PALM: variants seen among roughly 807,000 people sequenced by gnomAD.
PALM encodes paralemmin, also known as paralemmin-1.
Under a neutral mutation model 30.7 loss-of-function variants are expected in PALM, and 18 were observed. The observed-to-expected ratio is 0.59, with a 90% CI of 0.41 to 0.87. The LOEUF (loss-of-function observed/expected upper bound fraction) is 0.87, where lower values mean the gene tolerates loss of function less well. Ranked by LOEUF, PALM falls within the 40% of genes least tolerant of loss-of-function variation. PALM has a pLI of 0.00. For synonymous variants in PALM, 286 were observed against 242.8 expected (o/e 1.18, Z -1.66); for missense variants, 529 against 555.4 (o/e 0.95, Z 0.48).
At chr19:729,505 G>A (rs1414453631) in intron 4 of PALM, among the ~76,000 whole-genome samples, 3 of 121,544 alleles carry the variant, frequency 2.5e-5, no homozygotes, top group South Asian at 3.0e-4. Context: ...TCGCTCTGTC[G>A]CCCAGGCTGG....
At chr19:728,273 G>T (rs2032757569) in intron 4 of PALM, among the ~76,000 whole-genome samples, 1 of 152,124 alleles carries the variant, frequency 6.6e-6, no homozygotes, top group Admixed American at 6.5e-5. Context: ...CCCAGGCTGT[G>T]CTCGGGGGCA....
In PALM at chr19:727,032, A is replaced by G; in HGVS notation, c.82A>G (p.Ile28Val). Reference sequence around the variant, plus strand: ...GGAGAAGCGGAAGCGGCAGGCGGAGATCGAGAACAAGCGCCGGCAGCTGGA... The same window carrying G: ...GGAGAAGCGGAAGCGGCAGGCGGAGGTCGAGAACAAGCGCCGGCAGCTGGA... The part of the protein sequence containing the change: ...IAEKRKRQAE[I>V]ENKRRQLEDE... The change falls in exon 3 of 9, where the codon ATC (isoleucine) becomes GTC (valine). Residue 28 changes from isoleucine (I) to valine (V), a missense_variant. Coordinates refer to ENST00000338448, the MANE Select transcript of PALM (RefSeq NM_002579.3). 1 of 1,248,530 alleles carries G rather than the reference A, an allele frequency of 8.0e-7. No individual in the cohort carries two copies. 77.3% of individuals were successfully genotyped at this position (1,248,530 alleles called of 1,614,324 possible). A position where few individuals can be genotyped will look rare whatever the true frequency, so the allele number is the denominator to read the frequency against.
At chr19:710,105 T>G (rs115452260) in intron 1 of PALM, among the ~76,000 whole-genome samples, 5,449 of 152,210 alleles carry the variant, frequency 0.036, 327 homozygotes, top group African/African-American at 0.12. Context: ...GCTGCCCTGC[T>G]GAGGCCCGGG....
rs771024183 is a variant in PALM at position 746,482 on chromosome 19, G to A, written c.832G>A (p.Ala278Thr). Reference protein sequence around the residue: ...PSRREITGVQAQPGEATSGPP... With the variant: ...PSRREITGVQTQPGEATSGPP... Reference sequence around the variant, plus strand: ...CCGGCGGGAGATCACCGGTGTGCAGGCACAGCCAGGCGAGGCCACGTCCGG... The same window carrying A: ...CCGGCGGGAGATCACCGGTGTGCAGACACAGCCAGGCGAGGCCACGTCCGG... Residue 278 changes from alanine (A) to threonine (T), a missense_variant, in exon 9 of 9, where the codon GCA becomes ACA. Physicochemically the swap from Ala to Thr is moderately conservative, Grantham distance 58. Transcript: ENST00000338448. The surrounding 1 kb of genome is among the most constrained non-coding windows in gnomAD (Gnocchi z 7.1). 8.7e-6 allele frequency: 14 copies of A among 1,610,664 alleles called. No homozygotes were observed. Among genetic ancestry groups the A allele is most frequent in the South Asian group, 4.4e-5 (4 of 90,856 alleles).
chr19:733,759 G>A (rs990806692), intron 5 of PALM, among the ~76,000 whole-genome samples: 12 of 152,158 alleles, frequency 7.9e-5, no homozygotes, highest in African/African-American at 2.9e-4. Flanking sequence ...GGCCGAGGTG[G>A]GTGGATCACC....
intron 7 of PALM, among the ~76,000 whole-genome samples, chr19:738,252 C>G (rs1366979783): frequency 6.6e-6 from 1 of 152,044 alleles, no homozygotes; most frequent in Non-Finnish European, 1.5e-5. Context: ...ATTAGCCAGG[C>G]GTGGTGGCTC....
In PALM at chr19:726,111, G is replaced by A. The variant is rs754967973; in HGVS notation, c.6-27G>A. The A allele has an allele frequency of 2.5e-6, 4 of 1,598,444 alleles. No individual in the cohort carries two copies. The Admixed American group carries it at 5.0e-5, about 20-fold the overall frequency. On this transcript the variant is annotated intron_variant, in intron 1 of 8. Coordinates refer to ENST00000338448, the MANE Select transcript of PALM (RefSeq NM_002579.3). ...ACGGACAGCAGGGCTCAGTGAACCA[G>A]AGCTTGACCTTATCTCCCTCCCGCA...
chr19:728,959 T>G (rs924820355), intron 4 of PALM, among the ~76,000 whole-genome samples: 1 of 148,884 alleles, frequency 6.7e-6, no homozygotes, highest in African/African-American at 2.5e-5. Context: ...AGCCAAGATC[T>G]CACCGCTGCA....
chr19:724,965 G>A (rs2032611590), intron 1 of PALM, among the ~76,000 whole-genome samples: 2 of 151,886 alleles, frequency 1.3e-5, no homozygotes, highest in African/African-American at 2.4e-5. Context: ...TGTTGCCCAC[G>A]CTGGAGGGCA....
rs1306040899 is a variant in PALM at position 742,601 on chromosome 19, G to T, written c.634+2118G>T. Among the ~76,000 whole-genome samples the T allele has an allele frequency of 1.8e-5, 2 of 113,312 alleles. No individual in the cohort carries two copies. Among genetic ancestry groups the T allele is most frequent in the East Asian group, 3.0e-4 (1 of 3,382 alleles). The allele number at this position is 113,312 out of a possible 152,430, so 74.3% of individuals were successfully genotyped here. On this transcript the variant is annotated intron_variant, in intron 8 of 8. Transcript: ENST00000338448. The surrounding 1 kb of genome is among the most constrained non-coding windows in gnomAD (Gnocchi z 5.5). ...GCCTGTGCGACAAGAGTGAAACTCT[G>T]TCTCAAAAAAAAAAAAAAGAAAGAA...
chr19:717,878 A>T (rs1244053991), intron 1 of PALM, among the ~76,000 whole-genome samples: 2 of 152,144 alleles, frequency 1.3e-5, no homozygotes, highest in South Asian at 4.1e-4. Context: ...TGGCAGGGAC[A>T]AAAATGACAC....
intron 7 of PALM, among the ~76,000 whole-genome samples, chr19:739,796 A>G (rs991927152): frequency 6.6e-6 from 1 of 151,836 alleles, no homozygotes; most frequent in South Asian, 2.1e-4. Flanking sequence ...ACCAACATAG[A>G]GAAACCCCGT....
At chr19:735,984 C>A in intron 6 of PALM, 35 bp from the exon 7 acceptor site, 2 of 1,588,818 alleles carry the variant, frequency 1.3e-6, no homozygotes, top group Non-Finnish European at 1.7e-6. Context: ...CTCCTCTGAC[C>A]CTCATCTCTC....
chr19:711,436 G>A (rs899614213), intron 1 of PALM, among the ~76,000 whole-genome samples: 1 of 152,272 alleles, frequency 6.6e-6, no homozygotes, highest in Non-Finnish European at 1.5e-5. Flanking sequence ...GGTCAAGACC[G>A]GCCCAGACTC....
At chr19:719,107 G>T in intron 1 of PALM, 1 of 985,122 alleles carries the variant, frequency 1.0e-6, no homozygotes, top group Non-Finnish European at 1.2e-6. Context: ...CCCGGCGCTG[G>T]GCTCGGCGCC....
chr19:730,855 G>T (rs1051519484), intron 4 of PALM, among the ~76,000 whole-genome samples: 1 of 152,072 alleles, frequency 6.6e-6, no homozygotes, highest in Non-Finnish European at 1.5e-5. Context: ...CAAAAAATTA[G>T]CTGGGTGTGG....
chr19:739,526 A>G (rs777619244), intron 7 of PALM, among the ~76,000 whole-genome samples: 3 of 151,762 alleles, frequency 2.0e-5, no homozygotes, highest in African/African-American at 7.3e-5. Context: ...AAAAAAGATA[A>G]ATAAATTAGC....
In PALM at chr19:734,164, T is replaced by C. The variant is rs2032952878; in HGVS notation, c.421-9T>C. ...GACGCCCCTGACCCTTCTCTCTTCT[T>C]TCTTGCAGACGCCGGTGGGCACGCC... On this transcript the variant is annotated splice_polypyrimidine_tract_variant and intron_variant, in intron 5 of 8. Coordinates refer to ENST00000338448, the MANE Select transcript of PALM (RefSeq NM_002579.3). 1 of 1,613,942 alleles carries C rather than the reference T, an allele frequency of 6.2e-7. No individual in the cohort carries two copies. Among genetic ancestry groups the C allele is most frequent in the Non-Finnish European group, 8.5e-7 (1 of 1,179,932 alleles).
chr19:740,525 G>C, intron 8 of PALM, 42 bp downstream of exon 8: 2 of 1,527,500 alleles, frequency 1.3e-6, no homozygotes, highest in East Asian at 2.5e-5. Flanking sequence ...ACCTGGGCCA[G>C]AGCCCCGAAC....
Sources: gnomAD v4.1 joint callset for allele counts (sites outside exome capture counted in the v4.1 genomes callset) on GRCh38, gnomAD v4.1.1 for gene constraint, Gnocchi (gnomAD v3.1) non-coding constraint, MANE v1.5 for transcripts, NCBI Gene and HGNC (gene_info 2026-07-23, HGNC 2026-07-21) for gene names.